Variants in HIBCH observed in about 807,000 individuals in gnomAD.
HIBCH encodes the protein 3-hydroxyisobutyryl-CoA hydrolase, mitochondrial.
Under a neutral mutation model 58.2 loss-of-function variants are expected in HIBCH, and 50 were observed. The ratio of observed to expected loss-of-function variants is 0.86; its 90% confidence interval spans 0.68 to 1.09. The LOEUF is 1.09. Ranked by LOEUF, HIBCH falls within the 50% of genes least tolerant of loss-of-function variation. The pLI, the probability that HIBCH is intolerant of heterozygous loss-of-function variation, is 0.00. For missense variants in HIBCH, 450 were observed against 449.7 expected (o/e 1.00, Z -0.01); for synonymous variants, 151 against 146.9 (o/e 1.03, Z -0.20).
chr2:190,191,867 T>C (rs1689725643), intron 1 of HIBCH, among the ~76,000 whole-genome samples: 1 of 152,232 alleles, frequency 6.6e-6, no homozygotes, highest in African/African-American at 2.4e-5. Context: ...AAGTCATTTA[T>C]TGGCTAGATG....
intron 11 of HIBCH, among the ~76,000 whole-genome samples, chr2:190,239,650 T>G (rs1276969974): frequency 7.6e-5 from 6 of 78,846 alleles, no homozygotes; most frequent in Non-Finnish European, 1.6e-4. Context: ...GTTTGTAGTT[T>G]TTTTTTTTTT....
chr2:190,249,094 G>A (rs1227263695), intron 9 of HIBCH, among the ~76,000 whole-genome samples: 3 of 151,158 alleles, frequency 2.0e-5, no homozygotes, highest in Admixed American at 6.6e-5. Flanking sequence ...CTCCTCTTCC[G>A]TTCTACTTGT....
intron 6 of HIBCH, among the ~76,000 whole-genome samples, chr2:190,267,265 C>T (rs1167908872): frequency 3.3e-5 from 5 of 151,900 alleles, no homozygotes; most frequent in African/African-American, 1.2e-4. Flanking sequence ...AGCACAGTGG[C>T]GTGACCTTGG....
rs1688054818 is a variant in HIBCH, at chr2:190,294,551, A to T, written c.299T>A (p.Ile100Asn). The T allele has an allele frequency of 6.2e-7, 1 of 1,610,466 alleles. No individual in the cohort carries two copies. The highest frequency in any genetic ancestry group is 2.2e-5 in the East Asian group (1 of 44,802). ...GGKAFCAGGD[I>N]RVISEAEKAK... ...TGAAAGGGAAAAGTCTTTACCTCTGATATCACCCCCGGCACAGAAAGCCTT... is the reference window on the plus strand; with the variant it reads ...TGAAAGGGAAAAGTCTTTACCTCTGTTATCACCCCCGGCACAGAAAGCCTT... Residue 100 changes from isoleucine to asparagine, a missense_variant, in exon 4 of 14, where the codon ATC (isoleucine) becomes AAC (asparagine). Transcript: ENST00000359678.
chr2:190,207,830 G>A lies in HIBCH; in HGVS notation c.1045+1050C>T, dbSNP rs1425308668. 1.3e-5 allele frequency among the ~76,000 whole-genome samples: 2 copies of A among 152,014 alleles called. No homozygotes were observed. Among genetic ancestry groups the A allele is most frequent in the Admixed American group, 6.6e-5 (1 of 15,258 alleles). On this transcript the variant is annotated intron_variant, in intron 13 of 13. Transcript: ENST00000359678. The surrounding 1 kb of genome is among the most constrained non-coding windows in gnomAD (Gnocchi z 4.5). Reference sequence around the variant, plus strand: ...TGGGAGGTGGAGGTTGCAGTAAGCCGAAAGTGCACCACTGCACTCCAGCCT... The same window carrying A: ...TGGGAGGTGGAGGTTGCAGTAAGCCAAAAGTGCACCACTGCACTCCAGCCT...
At chr2:190,212,841 A>G in intron 12 of HIBCH, 115 bp downstream of exon 12, 2 of 901,344 alleles carry the variant, frequency 2.2e-6, no homozygotes, top group Non-Finnish European at 3.4e-6. Context: ...TTTGTAGAGT[A>G]AATTTACAGG....
At chr2:190,256,977 TATAGAA>T (rs1686942448) in intron 7 of HIBCH, among the ~76,000 whole-genome samples, 1 of 152,190 alleles carries the variant, frequency 6.6e-6, no homozygotes, top group African/African-American at 2.4e-5. Context: ...AAGTGAGCCT[TATAGAA>T]GTATGACCAG....
At chr2:190,244,837 T>C (rs755220161) in intron 11 of HIBCH, 50 bp downstream of exon 11, 1 of 1,163,048 alleles carries the variant, frequency 8.6e-7, no homozygotes, top group South Asian at 1.2e-5. Context: ...GGCTTCCCTG[T>C]CACCGGACTT....
chr2:190,310,366 G>A (rs538386028), intron 2 of HIBCH, among the ~76,000 whole-genome samples: 14 of 152,254 alleles, frequency 9.2e-5, no homozygotes, highest in African/African-American at 3.4e-4. Flanking sequence ...ATATACATAT[G>A]TCCTATAAGT....
chr2:190,262,081 G>C (rs1359692326), intron 6 of HIBCH, among the ~76,000 whole-genome samples: 2 of 150,244 alleles, frequency 1.3e-5, no homozygotes, highest in Non-Finnish European at 2.9e-5. Flanking sequence ...ATGACAGGCA[G>C]TGAAGCTTAA....
intron 11 of HIBCH, among the ~76,000 whole-genome samples, chr2:190,238,573 T>G (rs1339401116): frequency 1.3e-5 from 2 of 152,184 alleles, no homozygotes; most frequent in Non-Finnish European, 1.5e-5. Flanking sequence ...CAAGCGATTT[T>G]CCTGCCTCAG....
chr2:190,198,653 AAAG>A (rs1690092965), intron 1 of HIBCH, among the ~76,000 whole-genome samples: 4 of 151,146 alleles, frequency 2.6e-5, no homozygotes, highest in Middle Eastern at 3.4e-3. Context: ...AAAAAAAAAA[AAAG>A]GTGTTTTCAG....
At chr2:190,312,234 T>A (rs190112215) in intron 1 of HIBCH, among the ~76,000 whole-genome samples, 3 of 152,384 alleles carry the variant, frequency 2.0e-5, no homozygotes, top group African/African-American at 7.2e-5. Flanking sequence ...TGTATCATTA[T>A]GCTTTGGGCT....
At chr2:190,313,459 C>T (rs752907460) in intron 1 of HIBCH, among the ~76,000 whole-genome samples, 19 of 152,130 alleles carry the variant, frequency 1.2e-4, no homozygotes, top group Non-Finnish European at 2.1e-4. Flanking sequence ...ATTGTTCCAT[C>T]TGCAATTGGG....
At chr2:190,222,952 T>G (rs1349814818) in intron 11 of HIBCH, among the ~76,000 whole-genome samples, 1 of 152,180 alleles carries the variant, frequency 6.6e-6, no homozygotes, top group Non-Finnish European at 1.5e-5. Context: ...TAAAAAAGGA[T>G]AAGTTCATGT....
rs544370291 is a variant in HIBCH at position 190,279,735 on chromosome 2, C to T, written c.438+7851G>A. On this transcript the variant is annotated intron_variant, in intron 6 of 13. Transcript: ENST00000359678. This position sits in a 1 kb window ranked among gnomAD's most constrained non-coding sequence, Gnocchi z 4.2. ...TAGCCTAAATATTTGCCCTGGCATGCTTATACTGGTCCAAGCAAGCATTAG... is the reference window on the plus strand; with the variant it reads ...TAGCCTAAATATTTGCCCTGGCATGTTTATACTGGTCCAAGCAAGCATTAG... The T allele has an allele frequency of 1.2e-5, 2 of 169,874 alleles. No individual in the cohort carries two copies. The allele number at this position is 169,874 out of a possible 1,614,324, so 10.5% of individuals were successfully genotyped here. A position where few individuals can be genotyped will look rare whatever the true frequency, so the allele number is the denominator to read the frequency against.
At chr2:190,302,095 C>T (rs1033720447) in intron 2 of HIBCH, among the ~76,000 whole-genome samples, 2 of 150,974 alleles carry the variant, frequency 1.3e-5, no homozygotes, top group African/African-American at 4.8e-5. Context: ...GAACTGTCAA[C>T]TGAAGAATCA....
chr2:190,256,270 T>C (rs942097743), intron 7 of HIBCH, among the ~76,000 whole-genome samples: 1 of 151,966 alleles, frequency 6.6e-6, no homozygotes, highest in African/African-American at 2.4e-5. Flanking sequence ...CAGAAAATGA[T>C]TATAGAGAAC....
chr2:190,247,735 T>TA (rs1686651375), intron 9 of HIBCH, among the ~76,000 whole-genome samples: 1 of 152,204 alleles, frequency 6.6e-6, no homozygotes, highest in Non-Finnish European at 1.5e-5. Context: ...TTTACAGGCA[T>TA]AACCACTACC....
Sources: allele counts gnomAD v4.1 joint callset (sites outside exome capture counted in the v4.1 genomes callset), GRCh38; gene constraint gnomAD v4.1.1; non-coding constraint Gnocchi (gnomAD v3.1); transcripts MANE v1.5; gene names NCBI Gene and HGNC (gene_info 2026-07-23, HGNC 2026-07-21).